The following RFPL1 variants were observed in gnomAD, a reference collection of about 807,000 sequenced individuals.
RFPL1 encodes the protein ret finger protein like 1, also known as ret finger protein-like 1.
RFPL1 carries 6 observed loss-of-function variants against 9.6 expected under a neutral mutation model. That is an observed-to-expected ratio of 0.62 (90% CI 0.34 to 1.23). RFPL1 has a LOEUF of 1.23. Ranked by LOEUF, RFPL1 falls within the 50% of genes most tolerant of loss-of-function variation. The probability of loss-of-function intolerance (pLI) is 0.03; values close to 1 mark genes in which losing one functional copy is unlikely to be tolerated. For missense variants in RFPL1, 352 were observed against 398.4 expected, an observed-to-expected ratio of 0.88 and a Z score of 0.99; for synonymous variants, 145 against 149.4, an observed-to-expected ratio of 0.97 and a Z score of 0.22.
At chr22:29,405,925 A>C in the RFPL1 span, among the ~76,000 whole-genome samples, 1 of 150,248 alleles carries the variant, frequency 6.7e-6, no homozygotes, top group Non-Finnish European at 1.5e-5. Context: ...CTGGCTAACA[A>C]GGTGAAACCC....
chr22:29,413,997 A>G, the RFPL1 span, among the ~76,000 whole-genome samples: 1 of 152,228 alleles, frequency 6.6e-6, no homozygotes, highest in East Asian at 1.9e-4. Flanking sequence ...CACCTTGCAC[A>G]TAAACTGTTT....
chr22:29,420,635 T>TG, the RFPL1 span, among the ~76,000 whole-genome samples: 2 of 270 alleles, frequency 7.4e-3, 1 homozygote, highest in Non-Finnish European at 0.014. Flanking sequence ...GGTTTTTTGC[T>TG]TTTTTTTTTT....
chr22:29,401,244 T>C, the RFPL1 span, among the ~76,000 whole-genome samples: 1 of 152,352 alleles, frequency 6.6e-6, no homozygotes, highest in East Asian at 1.9e-4. Context: ...AAAGTTTCCC[T>C]AAGAAAGTAA....
the RFPL1 span, among the ~76,000 whole-genome samples, chr22:29,400,881 C>T: frequency 6.6e-6 from 1 of 152,162 alleles, no homozygotes; most frequent in Non-Finnish European, 1.5e-5. Context: ...GTATAAAGTA[C>T]CTACTGACCA....
the RFPL1 span, chr22:29,433,089 TA>T: frequency 4.0e-5 from 6 of 151,672 alleles, no homozygotes; most frequent in African/African-American, 1.5e-4. Context: ...GGTCAGGAGT[TA>T]AAGACCAGCA....
the RFPL1 span, among the ~76,000 whole-genome samples, chr22:29,413,502 G>A: frequency 6.6e-6 from 1 of 152,140 alleles, no homozygotes; most frequent in African/African-American, 2.4e-5. Context: ...CCTTCTTACT[G>A]AGAAATTTCC....
the RFPL1 span, among the ~76,000 whole-genome samples, chr22:29,410,598 T>TAG: frequency 1.6e-4 from 15 of 91,674 alleles, no homozygotes; most frequent in African/African-American, 6.0e-4. Flanking sequence ...TATATATAGA[T>TAG]ATATATAGAT....
the RFPL1 span, among the ~76,000 whole-genome samples, chr22:29,392,999 C>G: frequency 6.6e-6 from 1 of 152,192 alleles, no homozygotes; most frequent in Non-Finnish European, 1.5e-5. Flanking sequence ...ACAATCCCCC[C>G]TTGGGGGCTC....
chr22:29,399,260 CAA>C, the RFPL1 span, among the ~76,000 whole-genome samples: 433 of 146,668 alleles, frequency 3.0e-3, no homozygotes, highest in East Asian at 0.025. Context: ...GAATTCCCCT[CAA>C]AAAAAAAAAA....
At chr22:29,394,874 G>A in the RFPL1 span, among the ~76,000 whole-genome samples, 1 of 152,170 alleles carries the variant, frequency 6.6e-6, no homozygotes, top group Non-Finnish European at 1.5e-5. Context: ...TCAAGGCCAG[G>A]GCTGATGACG....
the RFPL1 span, among the ~76,000 whole-genome samples, chr22:29,426,951 G>A: frequency 2.6e-4 from 40 of 152,328 alleles, no homozygotes; most frequent in African/African-American, 8.7e-4. Flanking sequence ...GGAGACGAAC[G>A]TGGTTCTCTT....
chr22:29,394,490 C>A, the RFPL1 span, among the ~76,000 whole-genome samples: 1 of 152,120 alleles, frequency 6.6e-6, no homozygotes, highest in Admixed American at 6.5e-5. Context: ...TTACAGGCAC[C>A]CACCACCATG....
chr22:29,438,951 G>C, exon 1 of RFPL1: 1 of 1,613,962 alleles, frequency 6.2e-7, no homozygotes, highest in Non-Finnish European at 8.5e-7. Flanking sequence ...AATGTCCCTG[G>C]AGTGTGGATG....
the RFPL1 span, among the ~76,000 whole-genome samples, chr22:29,406,399 G>T: frequency 6.6e-6 from 1 of 151,952 alleles, no homozygotes; most frequent in Non-Finnish European, 1.5e-5. Flanking sequence ...ATCTTAGTAG[G>T]TCTATAGCAG....
chr22:29,402,937 C>T, the RFPL1 span, among the ~76,000 whole-genome samples: 3 of 132,232 alleles, frequency 2.3e-5, no homozygotes, highest in Middle Eastern at 3.6e-3. Context: ...TCTGTGGGGT[C>T]GGCCATTGTG....
At chr22:29,426,851 A>C in the RFPL1 span, among the ~76,000 whole-genome samples, 1 of 152,190 alleles carries the variant, frequency 6.6e-6, no homozygotes, top group Admixed American at 6.5e-5. Flanking sequence ...CTTACAAGGC[A>C]GTAAAGAGAG....
chr22:29,430,410 G>A, the RFPL1 span, among the ~76,000 whole-genome samples: 1 of 152,054 alleles, frequency 6.6e-6, no homozygotes, highest in South Asian at 2.1e-4. Flanking sequence ...GTTTATAAAT[G>A]TATATATACG....
chr22:29,418,028 T>A, the RFPL1 span, among the ~76,000 whole-genome samples: 1 of 149,120 alleles, frequency 6.7e-6, no homozygotes, highest in Non-Finnish European at 1.5e-5. Context: ...GCCTCCTGGG[T>A]TCCAGCAATT....
exon 1 of RFPL1, chr22:29,438,719 G>A: frequency 1.3e-6 from 2 of 1,564,608 alleles, no homozygotes; most frequent in Non-Finnish European, 1.7e-6. Context: ...GGGGGGTGGG[G>A]GGATGTGCTT....
Sources: gnomAD v4.1 joint callset for allele counts (sites outside exome capture counted in the v4.1 genomes callset) on GRCh38, gnomAD v4.1.1 for gene constraint, MANE v1.5 for transcripts, NCBI Gene and HGNC (gene_info 2026-07-23, HGNC 2026-07-21) for gene names.